Variants in SPTBN4 observed in about 807,000 individuals in gnomAD.
SPTBN4 encodes the protein spectrin beta, non-erythrocytic 4.
SPTBN4 carries 96 observed loss-of-function variants against 277.8 expected under a neutral mutation model. That is an observed-to-expected ratio of 0.35 (90% CI 0.29 to 0.41). The LOEUF is 0.41. SPTBN4 is among the 10% of genes least tolerant of loss of function. The pLI, the probability that SPTBN4 is intolerant of heterozygous loss-of-function variation, is 1.00. For synonymous variants in SPTBN4, 1,481 were observed against 1,580.3 expected, an observed-to-expected ratio of 0.94 and a Z score of 1.49; for missense variants, 3,006 against 3,595.7, an observed-to-expected ratio of 0.84 and a Z score of 4.19.
intron 20 of SPTBN4, among the ~76,000 whole-genome samples, chr19:40,536,231 T>C (rs937782674): frequency 6.6e-6 from 1 of 151,776 alleles, no homozygotes; most frequent in African/African-American, 2.4e-5. Context: ...CCTTGCTTCC[T>C]TCGTTGGAGT....
rs1474168533 is a variant in SPTBN4, at chr19:40,568,123, G to A, written c.6797G>A (p.Arg2266Gln). The A allele has an allele frequency of 6.4e-7, 1 of 1,573,646 alleles. No homozygotes were observed. The highest frequency in any genetic ancestry group is 1.9e-5 in the Admixed American group (1 of 52,964). Residue 2266 changes from arginine to glutamine, a missense_variant, in exon 31 of 36, where the codon CGG becomes CAG. Arg to Gln is a conservative substitution (Grantham distance 43). Around this residue, in one of 5 missense-constraint regions of SPTBN4, gnomAD observed 630 missense variants for 677.6 expected, o/e 0.93. Transcript: ENST00000598249. ...DQSEEAARRR[R>Q]PERQESAEHE... ...TCCGAGGAGGCTGCGCGGAGGCGGC[G>A]GCCGGAGCGGCAGGAGTCAGCGGAG... is the stretch of plus-strand genomic sequence containing the variant.
At chr19:40,468,111 C>G (rs1024527207) in intron 1 of SPTBN4, among the ~76,000 whole-genome samples, 4 of 149,788 alleles carry the variant, frequency 2.7e-5, no homozygotes, top group Non-Finnish European at 4.4e-5. Flanking sequence ...GAGTTTCACT[C>G]TTGTCACCCA....
intron 16 of SPTBN4, among the ~76,000 whole-genome samples, chr19:40,520,928 C>CTT (rs551439338): frequency 1.4e-5 from 2 of 146,646 alleles, no homozygotes; most frequent in Admixed American, 6.8e-5. Flanking sequence ...GGTCCCCAAT[C>CTT]TTTTTTTTTT....
intron 25 of SPTBN4, 60 bp downstream of exon 25, chr19:40,556,348 G>A: frequency 6.8e-7 from 1 of 1,479,480 alleles, no homozygotes; most frequent in Admixed American, 1.9e-5. Context: ...CTGGGCCTTA[G>A]TTTCCTCATC....
intron 26 of SPTBN4, among the ~76,000 whole-genome samples, chr19:40,559,805 T>TA (rs373090341): frequency 3.8e-4 from 57 of 150,730 alleles, no homozygotes; most frequent in African/African-American, 1.2e-3. Context: ...TAAACTGAGT[T>TA]AAAAAAAAAT....
At position 40,534,601 on chromosome 19, in the gene SPTBN4, T is replaced by C. The variant is rs2080714450; in HGVS notation, c.4359+258T>C. 4 of 488,986 alleles carry C rather than the reference T, an allele frequency of 8.2e-6. No individual in the cohort carries two copies. The East Asian group carries it at 1.4e-4, about 18-fold the overall frequency. 30.3% of individuals were successfully genotyped at this position (488,986 alleles called of 1,614,324 possible). On this transcript the variant is annotated intron_variant, in intron 20 of 35. Coordinates refer to ENST00000598249, the MANE Select transcript of SPTBN4 (RefSeq NM_020971.3). ...CAAAGCAGTAGGTAAATGACTAGCA[T>C]GCTAAAGGTTTCACAGGACCCTGAC... is the stretch of plus-strand genomic sequence containing the variant.
At chr19:40,508,988 C>G (rs947642075) in intron 13 of SPTBN4, among the ~76,000 whole-genome samples, 1 of 151,392 alleles carries the variant, frequency 6.6e-6, no homozygotes, top group Non-Finnish European at 1.5e-5. Flanking sequence ...GATTATGGAG[C>G]GAGCTTGGTT....
intron 3 of SPTBN4, among the ~76,000 whole-genome samples, chr19:40,488,688 T>A (rs1181524130): frequency 6.6e-6 from 1 of 152,160 alleles, no homozygotes; most frequent in African/African-American, 2.4e-5. Context: ...CGCAGGCCTG[T>A]AGTCCCAAGT....
chr19:40,522,037 C>CT (rs896314355), intron 16 of SPTBN4, among the ~76,000 whole-genome samples: 1 of 152,038 alleles, frequency 6.6e-6, no homozygotes, highest in African/African-American at 2.4e-5. Context: ...TAGTTGTCTT[C>CT]TTTTTTTGAG....
At chr19:40,514,244 T>C (rs1474127578) in intron 14 of SPTBN4, among the ~76,000 whole-genome samples, 1 of 152,232 alleles carries the variant, frequency 6.6e-6, no homozygotes, top group East Asian at 1.9e-4. Flanking sequence ...TGGGCACTGC[T>C]GGAAACACAG....
In SPTBN4 at chr19:40,512,994, A is replaced by G; in HGVS notation, c.2205A>G (p.Gly735=). The G allele has an allele frequency of 7.0e-7, 1 of 1,430,200 alleles. No individual in the cohort carries two copies. Among genetic ancestry groups the G allele is most frequent in the Non-Finnish European group, 9.1e-7 (1 of 1,099,592 alleles). 88.6% of individuals were successfully genotyped at this position (1,430,200 alleles called of 1,614,324 possible). Residue 735 remains glycine (G), a synonymous_variant, in exon 14 of 36, where the codon GGA becomes GGG. Transcript: ENST00000598249. ...LVAAGGAVGP[G]ADTVHLVGLA... is the part of the protein sequence containing the mutation. ...CGGCCGGCGGTGCCGTCGGCCCGGG[A>G]GCAGACACCGTGCACCTGGTAGGCC...
intron 17 of SPTBN4, 108 bp from the exon 18 acceptor site, chr19:40,528,933 T>C (rs2080627236): frequency 2.5e-6 from 2 of 787,048 alleles, no homozygotes; most frequent in South Asian, 2.9e-5. Context: ...CTTACATATT[T>C]TCCACGCCCT....
intron 22 of SPTBN4, among the ~76,000 whole-genome samples, chr19:40,552,461 A>AAAAAAAAAAAAAAGATT (rs1434105805): frequency 2.0e-5 from 3 of 151,546 alleles, no homozygotes; most frequent in East Asian, 3.9e-4. Context: ...GTCTCAAAAA[A>AAAAAAAAAAAAAAGATT]AAAAAAAAAA....
At chr19:40,498,850 C>T (rs2080232186) in intron 7 of SPTBN4, among the ~76,000 whole-genome samples, 1 of 151,944 alleles carries the variant, frequency 6.6e-6, no homozygotes, top group Non-Finnish European at 1.5e-5. Context: ...TACAGGTGTG[C>T]ACCATCACAC....
intron 17 of SPTBN4, among the ~76,000 whole-genome samples, chr19:40,528,076 AGGACTCT>A: frequency 6.8e-6 from 1 of 146,828 alleles, no homozygotes; most frequent in Non-Finnish European, 1.5e-5. Flanking sequence ...AAAAAAAAAA[AGGACTCT>A]AAGGACTCTC....
chr19:40,560,134 G>A lies in SPTBN4; in HGVS notation c.5671-25G>A. The A allele has an allele frequency of 1.3e-6, 2 of 1,566,900 alleles. No individual in the cohort carries two copies. Among genetic ancestry groups the A allele is most frequent in the Non-Finnish European group, 1.7e-6 (2 of 1,161,558 alleles). On this transcript the variant is annotated intron_variant, in intron 26 of 35. Transcript: ENST00000598249. This position sits in a 1 kb window ranked among gnomAD's most constrained non-coding sequence, Gnocchi z 5.2. ...ACAGCCTGGGCCCCGTGGAGGGCTGGCGCCCGACCTGGCATGCCCTTCAGG... is the reference window on the plus strand; with the variant it reads ...ACAGCCTGGGCCCCGTGGAGGGCTGACGCCCGACCTGGCATGCCCTTCAGG...
chr19:40,514,413 C>A (rs1227236686), intron 14 of SPTBN4, among the ~76,000 whole-genome samples: 1 of 152,166 alleles, frequency 6.6e-6, no homozygotes, highest in Non-Finnish European at 1.5e-5. Context: ...CCCAGAGAGG[C>A]AACTGGGCTG....
intron 31 of SPTBN4, 93 bp from the exon 32 acceptor site, chr19:40,569,564 A>T: frequency 1.5e-6 from 2 of 1,300,808 alleles, no homozygotes; most frequent in Non-Finnish European, 2.1e-6. Flanking sequence ...TGGCACTTCC[A>T]GCTAAGAAGT....
chr19:40,519,162 G>A lies in SPTBN4; in HGVS notation c.2904-239G>A, dbSNP rs1003869697. 6.6e-6 allele frequency among the ~76,000 whole-genome samples: 1 copy of A among 152,174 alleles called. No homozygotes were observed. The highest frequency in any genetic ancestry group is 2.4e-5 in the African/African-American group (1 of 41,440). On this transcript the variant is annotated intron_variant, in intron 15 of 35. Coordinates refer to ENST00000598249, the MANE Select transcript of SPTBN4 (RefSeq NM_020971.3). This position sits in a 1 kb window ranked among gnomAD's most constrained non-coding sequence, Gnocchi z 5.7. ...GAATGAGAGTGAAAAAGCAAATGGC[G>A]TCTTAACACATTTTTATGAAGATAG...
Sources: allele counts gnomAD v4.1 joint callset (sites outside exome capture counted in the v4.1 genomes callset), GRCh38; gene constraint gnomAD v4.1.1; regional missense constraint gnomAD v4.1.1; non-coding constraint Gnocchi (gnomAD v3.1); transcripts MANE v1.5; gene names NCBI Gene and HGNC (gene_info 2026-07-23, HGNC 2026-07-21).